The following L2HGDH variants were observed in gnomAD, a reference collection of about 807,000 sequenced individuals.
L2HGDH encodes the protein L-2-hydroxyglutarate dehydrogenase.
Under a neutral mutation model 51.5 loss-of-function variants are expected in L2HGDH, and 34 were observed. That is an observed-to-expected ratio of 0.66 (90% CI 0.50 to 0.88). The LOEUF (loss-of-function observed/expected upper bound fraction) is 0.88, where lower values mean the gene tolerates loss of function less well. Ranked by LOEUF, L2HGDH falls within the 40% of genes least tolerant of loss-of-function variation. The pLI is 0.00. For synonymous variants in L2HGDH, 198 were observed against 197.9 expected (o/e 1.00, Z -0.01); for missense variants, 558 against 571.9 (o/e 0.98, Z 0.25).
chr14:50,295,540 G>C (rs1300295853), intron 3 of L2HGDH, among the ~76,000 whole-genome samples: 1 of 149,308 alleles, frequency 6.7e-6, no homozygotes, highest in Non-Finnish European at 1.5e-5. Flanking sequence ...CCTAGAAGCT[G>C]GGACTACAGG....
At chr14:50,304,919 T>C (rs1030086391) in intron 1 of L2HGDH, among the ~76,000 whole-genome samples, 9 of 152,192 alleles carry the variant, frequency 5.9e-5, no homozygotes, top group Non-Finnish European at 1.3e-4. Flanking sequence ...ACTGACCTGA[T>C]AGCCAACAAA....
chr14:50,281,733 G>C (rs774048595), intron 5 of L2HGDH, among the ~76,000 whole-genome samples: 5 of 152,092 alleles, frequency 3.3e-5, no homozygotes, highest in Non-Finnish European at 7.4e-5. Context: ...ATTCCTGGTT[G>C]TTCAAACTAG....
intron 9 of L2HGDH, among the ~76,000 whole-genome samples, chr14:50,248,465 G>C (rs540560247): frequency 2.6e-5 from 4 of 152,294 alleles, no homozygotes; most frequent in African/African-American, 9.6e-5. Flanking sequence ...TCTGTGCTAG[G>C]AATTACCTCA....
chr14:50,246,571 C>T lies in L2HGDH; in HGVS notation c.*487G>A, dbSNP rs146073772. The T allele has an allele frequency of 2.5e-5, 4 of 158,882 alleles. No homozygotes were observed. In the East Asian group the frequency reaches 7.4e-4, roughly 29 times the overall value. The allele number at this position is 158,882 out of a possible 1,614,324, so 9.8% of individuals were successfully genotyped here. ...CAAGTGATCCTCTCACCTCAGCCTA[C>T]TGAGGAGCTGGAACTACAGAGGCAC... On this transcript the variant is annotated 3_prime_UTR_variant, in exon 10 of 10. Coordinates refer to ENST00000267436, the MANE Select transcript of L2HGDH (RefSeq NM_024884.3).
intron 3 of L2HGDH, among the ~76,000 whole-genome samples, chr14:50,298,337 CAG>C (rs2030199602): frequency 6.6e-6 from 1 of 150,408 alleles, no homozygotes; most frequent in African/African-American, 2.4e-5. Flanking sequence ...TTTTTTGAGA[CAG>C]AGTTTCGCTC....
intron 3 of L2HGDH, among the ~76,000 whole-genome samples, chr14:50,296,372 CAAAAAAAA>C (rs59868876): frequency 1.3e-4 from 4 of 31,450 alleles, no homozygotes; most frequent in Admixed American, 5.4e-4. Context: ...GACCCTGTCT[CAAAAAAAA>C]AAAAAAAAAA....
At chr14:50,275,763 T>A (rs1490468527) in intron 6 of L2HGDH, among the ~76,000 whole-genome samples, 1 of 152,204 alleles carries the variant, frequency 6.6e-6, no homozygotes, top group Non-Finnish European at 1.5e-5. Context: ...GTATTGTTTC[T>A]CCCACAGCCA....
rs1330242336 is a variant in L2HGDH at position 50,269,200 on chromosome 14, G to A, written c.869C>T (p.Pro290Leu). The A allele has an allele frequency of 6.2e-7, 1 of 1,612,630 alleles. No individual in the cohort carries two copies. The highest frequency in any genetic ancestry group is 1.3e-5 in the African/African-American group (1 of 74,878). ...TCCTTTTACAAGATAACATTTTTCTGGCTTCAAAAGCAGGTAATCTCCCCG... is the reference window on the plus strand; with the variant it reads ...TCCTTTTACAAGATAACATTTTTCTAGCTTCAAAAGCAGGTAATCTCCCCG... ...PFRGDYLLLKPEKCYLVKGNI... is the reference protein window; with the variant it reads ...PFRGDYLLLKLEKCYLVKGNI... The change falls in exon 7 of 10, where the codon CCA becomes CTA. Residue 290 changes from proline to leucine, a missense_variant. By Grantham distance (98) the Pro-to-Leu change is moderately conservative. Coordinates refer to ENST00000267436, the MANE Select transcript of L2HGDH (RefSeq NM_024884.3).
intron 6 of L2HGDH, among the ~76,000 whole-genome samples, chr14:50,271,969 T>G (rs1428338756): frequency 2.0e-5 from 3 of 152,210 alleles, no homozygotes; most frequent in African/African-American, 7.2e-5. Context: ...GGTGAAACCC[T>G]GTCTCTACTA....
chr14:50,268,789 G>A (rs1436307741), intron 7 of L2HGDH, among the ~76,000 whole-genome samples: 1 of 152,120 alleles, frequency 6.6e-6, no homozygotes, highest in East Asian at 1.9e-4. Flanking sequence ...CTACAGAGTG[G>A]CCACATCCCT....
At chr14:50,255,044 T>C (rs967919314) in intron 9 of L2HGDH, among the ~76,000 whole-genome samples, 17 of 151,620 alleles carry the variant, frequency 1.1e-4, no homozygotes, top group African/African-American at 3.9e-4. Context: ...TGAGACCCTG[T>C]CTCAAATAAA....
chr14:50,298,062 A>G (rs1164629197), intron 3 of L2HGDH, among the ~76,000 whole-genome samples: 2 of 152,006 alleles, frequency 1.3e-5, no homozygotes, highest in Non-Finnish European at 2.9e-5. Flanking sequence ...TAGTTAACAT[A>G]GTGAAACCAC....
At chr14:50,259,008 C>G (rs1888836176) in intron 9 of L2HGDH, among the ~76,000 whole-genome samples, 1 of 143,576 alleles carries the variant, frequency 7.0e-6, no homozygotes, top group Non-Finnish European at 1.5e-5. Flanking sequence ...CCACGCCAGG[C>G]TCTTTTTTTT....
chr14:50,293,238 G>A (rs1453081590), intron 4 of L2HGDH: 2 of 702,184 alleles, frequency 2.8e-6, no homozygotes, highest in Non-Finnish European at 5.2e-6. Context: ...CAGCACAGTG[G>A]GAAAATAATG....
chr14:50,302,972 G>C lies in L2HGDH; in HGVS notation c.186C>G (p.Ala62=). The stretch of plus-strand genomic sequence containing the variant: ...GTCGCAGGATGAGTGCTCTGGCAGA[G>C]GCAAGCCCCACAATTCCGCCACCAA... ...VIVGGGIVGL[A]SARALILRHP... is the part of the protein sequence containing the mutation. Residue 62 remains alanine, a synonymous_variant, in exon 2 of 10, where the codon GCC becomes GCG. Transcript: ENST00000267436. 2 of 1,613,968 alleles carry C rather than the reference G, an allele frequency of 1.2e-6. No individual in the cohort carries two copies. Among genetic ancestry groups the C allele is most frequent in the South Asian group, 1.1e-5 (1 of 91,082 alleles).
chr14:50,269,174 T>G lies in L2HGDH; in HGVS notation c.895A>C (p.Asn299His). 6.3e-7 allele frequency: 1 copy of G among 1,595,794 alleles called. No homozygotes were observed. The highest frequency in any genetic ancestry group is 8.6e-7 in the Non-Finnish European group (1 of 1,167,524). The change falls in exon 7 of 10, where the codon AAT becomes CAT. Residue 299 changes from asparagine (N) to histidine (H), a missense_variant. This residue lies in a region of L2HGDH where 321 missense variants were observed against 311.8 expected (regional missense o/e 1.03). Transcript: ENST00000267436. ...KPEKCYLVKG[N>H]IYPVPDSRFP... ...GCATCATTACCTACCGGATAAATAT[T>G]TCCTTTTACAAGATAACATTTTTCT...
rs1352767789 is a variant in L2HGDH, at chr14:50,291,216, A to C, written c.540+2899T>G. Among the ~76,000 whole-genome samples the C allele has an allele frequency of 4.6e-5, 7 of 151,228 alleles. 1 individual carries two copies. Among genetic ancestry groups the C allele is most frequent in the South Asian group, 2.1e-4 (1 of 4,802 alleles). ...CCGTCTCAAAAAAAAAAAAAAAAAAAAAAAAAAACAAACAAAAAACATTTT... is the reference window on the plus strand; with the variant it reads ...CCGTCTCAAAAAAAAAAAAAAAAAACAAAAAAAACAAACAAAAAACATTTT... On this transcript the variant is annotated intron_variant, in intron 4 of 9. Coordinates refer to ENST00000267436, the MANE Select transcript of L2HGDH (RefSeq NM_024884.3).
chr14:50,306,240 G>A (rs1175581162), intron 1 of L2HGDH, among the ~76,000 whole-genome samples: 6 of 151,774 alleles, frequency 4.0e-5, no homozygotes, highest in Non-Finnish European at 7.4e-5. Context: ...TAGTAGAGAC[G>A]GGGTTTCACC....
intron 3 of L2HGDH, 108 bp from the exon 4 acceptor site, chr14:50,294,354 TA>T: frequency 2.8e-6 from 3 of 1,061,384 alleles, no homozygotes; most frequent in Non-Finnish European, 1.3e-6. Flanking sequence ...CAAAGGAGGT[TA>T]ATTTTTTAAA....
Sources: gnomAD v4.1 joint callset for allele counts (sites outside exome capture counted in the v4.1 genomes callset) on GRCh38, gnomAD v4.1.1 for gene constraint, gnomAD v4.1.1 regional missense constraint, MANE v1.5 for transcripts, NCBI Gene and HGNC (gene_info 2026-07-23, HGNC 2026-07-21) for gene names.